SATB2: variants seen among roughly 807,000 people sequenced by gnomAD.
The protein encoded by SATB2 is DNA-binding protein SATB2.
Under a neutral mutation model 73.4 loss-of-function variants are expected in SATB2, and 1 was observed. The ratio of observed to expected loss-of-function variants is 0.01; its 90% CI spans 0.00 to 0.06. The LOEUF is 0.06. SATB2 is among the 10% of genes least tolerant of loss of function. The pLI is 1.00. For synonymous variants in SATB2, 397 were observed against 367.0 expected (o/e 1.08, Z -0.93); for missense variants, 459 against 945.8 (o/e 0.49, Z 6.75).
chr2:199,277,526 T>C (rs1241560436), intron 10 of SATB2, among the ~76,000 whole-genome samples: 1 of 152,202 alleles, frequency 6.6e-6, no homozygotes, highest in African/African-American at 2.4e-5. Flanking sequence ...TTTCTTTTTT[T>C]GGTTTGGATT....
intron 1 of SATB2, 35 bp from the exon 2 acceptor site, chr2:199,456,131 G>GA (rs35506189): frequency 9.8e-7 from 1 of 1,024,260 alleles, no homozygotes; most frequent in South Asian, 1.4e-5. Context: ...GGGGGAGGGA[G>GA]AAAAAAGAGG....
At chr2:199,458,708 G>T (rs984691609), upstream of SATB2, 2 of 441,826 alleles carry the variant, frequency 4.5e-6, no homozygotes, top group African/African-American at 4.2e-5. Flanking sequence ...TGTTAACTGC[G>T]CGGAGTACTT....
intron 5 of SATB2, 82 bp from the exon 6 acceptor site, chr2:199,368,789 C>T: frequency 2.7e-6 from 2 of 751,044 alleles, no homozygotes; most frequent in South Asian, 1.6e-5. Flanking sequence ...ATAACCTGCA[C>T]TAACCTCTTT....
At position 199,377,866 on chromosome 2, in the gene SATB2, C is replaced by T. The variant is rs182888202; in HGVS notation, c.597+2498G>A. ...GGAGAAGTGATGGAACCCATAGGAT[C>T]AAACAGAAGGGTGAGGGAGAAGAAA... On this transcript the variant is annotated intron_variant, in intron 5 of 10. Coordinates refer to ENST00000417098, the MANE Select transcript of SATB2 (RefSeq NM_001172509.2). Among the ~76,000 whole-genome samples the T allele has an allele frequency of 2.0e-5, 3 of 152,082 alleles. No individual in the cohort carries two copies. The East Asian group carries it at 5.8e-4, about 30-fold the overall frequency.
At chr2:199,403,191 T>G (rs1317023874) in intron 3 of SATB2, among the ~76,000 whole-genome samples, 1 of 152,152 alleles carries the variant, frequency 6.6e-6, no homozygotes, top group African/African-American at 2.4e-5. Context: ...AAACAACCTG[T>G]GTAAAACCAA....
chr2:199,363,660 C>T (rs7571383), intron 6 of SATB2, among the ~76,000 whole-genome samples: 21,295 of 152,012 alleles, frequency 0.14, 1,848 homozygotes, highest in East Asian at 0.47. Flanking sequence ...CAAAAAATGT[C>T]AAATATTTGA....
rs138776821 is a variant in SATB2, at chr2:199,285,657, G to A, written c.1741-12985C>T. On this transcript the variant is annotated intron_variant, in intron 10 of 10. Coordinates refer to ENST00000417098, the MANE Select transcript of SATB2 (RefSeq NM_001172509.2). ...GTTAGATTACATTTTGACTCCAGGCGGATTTAATATAAGTTGGTTCTCTTT... is the reference window on the plus strand; with the variant it reads ...GTTAGATTACATTTTGACTCCAGGCAGATTTAATATAAGTTGGTTCTCTTT... 3.3e-3 allele frequency among the ~76,000 whole-genome samples: 499 copies of A among 151,544 alleles called. 4 individuals are homozygous for A. Among genetic ancestry groups the A allele is most frequent in the African/African-American group, 0.011 (469 of 41,324 alleles).
At chr2:199,352,162 C>A (rs1002052142) in intron 6 of SATB2, among the ~76,000 whole-genome samples, 14 of 152,226 alleles carry the variant, frequency 9.2e-5, no homozygotes, top group African/African-American at 3.4e-4. Context: ...GCGTGAGCCA[C>A]TGTACCTGGC....
Position 199,323,508 on chromosome 2 carries a change from C to T in SATB2, c.1542+295G>A, listed in dbSNP as rs2011269. Among the ~76,000 whole-genome samples the T allele has an allele frequency of 0.18, 26,002 of 144,170 alleles. 2,856 individuals carry two copies. Among genetic ancestry groups the T allele is most frequent in the Non-Finnish European group, 0.24 (16,012 of 66,286 alleles). The allele number at this position is 144,170 out of a possible 152,430, so 94.6% of individuals were successfully genotyped here. A position where few individuals can be genotyped will look rare whatever the true frequency, so the allele number is the denominator to read the frequency against. On this transcript the variant is annotated intron_variant, in intron 9 of 10. Transcript: ENST00000417098. ...ACACACACACACACACACACACACACATATATAAAGGGAGAGAAACAAAAG... is the reference window on the plus strand; with the variant it reads ...ACACACACACACACACACACACACATATATATAAAGGGAGAGAAACAAAAG...
chr2:199,401,657 A>G (rs1690482449), intron 3 of SATB2, among the ~76,000 whole-genome samples: 2 of 152,194 alleles, frequency 1.3e-5, no homozygotes, highest in Admixed American at 6.5e-5. Flanking sequence ...TGCCTTGCTA[A>G]GAGTGGTAAA....
At chr2:199,412,238 A>G (rs938209863) in intron 3 of SATB2, among the ~76,000 whole-genome samples, 1 of 152,184 alleles carries the variant, frequency 6.6e-6, no homozygotes, top group African/African-American at 2.4e-5. Flanking sequence ...GAGGATATAA[A>G]ATATGGTGGT....
chr2:199,371,770 C>A (rs1223733550), intron 5 of SATB2, among the ~76,000 whole-genome samples: 5 of 152,112 alleles, frequency 3.3e-5, no homozygotes, highest in African/African-American at 1.2e-4. Flanking sequence ...CTTTTTCAAT[C>A]CAGAATGCAA....
chr2:199,282,411 T>G (rs900546167), intron 10 of SATB2, among the ~76,000 whole-genome samples: 10 of 152,198 alleles, frequency 6.6e-5, no homozygotes, highest in Non-Finnish European at 1.2e-4. Flanking sequence ...TGGCATTGTA[T>G]ACACGTGGTA....
rs779346411 is a variant in SATB2, at chr2:199,328,753, T to C, written c.1331A>G (p.Asn444Ser). The change falls in exon 8 of 11, where the codon AAT becomes AGT. Residue 444 changes from asparagine to serine, a missense_variant. Coordinates refer to ENST00000417098, the MANE Select transcript of SATB2 (RefSeq NM_001172509.2). ...QDERERSMNP[N>S]VSMVSSASSS... ...GGAGGCCGAGGAGACCATGCTCACA[T>C]TGGGATTCATGCTCCGCTCCCTCTC... 11 of 1,613,722 alleles carry C rather than the reference T, an allele frequency of 6.8e-6. No individual in the cohort carries two copies. The highest frequency in any genetic ancestry group is 1.7e-5 in the Admixed American group (1 of 59,968).
At chr2:199,298,903 A>C (rs1687199132) in intron 10 of SATB2, among the ~76,000 whole-genome samples, 1 of 152,212 alleles carries the variant, frequency 6.6e-6, no homozygotes, top group African/African-American at 2.4e-5. Flanking sequence ...ATTGAAACAG[A>C]AAATGTGAAG....
In SATB2 at chr2:199,349,150, G is replaced by C; in HGVS notation, c.724C>G (p.Leu242Val). 6.2e-7 allele frequency: 1 copy of C among 1,613,344 alleles called. No individual in the cohort carries two copies. The highest frequency in any genetic ancestry group is 8.5e-7 in the Non-Finnish European group (1 of 1,179,654). The stretch of plus-strand genomic sequence containing the variant: ...TGGCCCAGAACACAATAGTCTGAAA[G>C]GTTTTCTCGTTCCACTCTTTCCACT... ...IKVERVEREN[L>V]SDYCVLGQRP... is the part of the protein sequence containing the mutation. The change falls in exon 7 of 11, where the codon CTT (leucine) becomes GTT (valine). Residue 242 changes from leucine to valine, a missense_variant. Physicochemically the swap from Leu to Val is conservative, Grantham distance 32. Around this residue, in one of 13 missense-constraint regions of SATB2, gnomAD observed 77 missense variants for 90.4 expected, o/e 0.85. Coordinates refer to ENST00000417098, the MANE Select transcript of SATB2 (RefSeq NM_001172509.2).
intron 6 of SATB2, among the ~76,000 whole-genome samples, chr2:199,359,571 A>G (rs1470310672): frequency 1.6e-4 from 24 of 152,278 alleles, no homozygotes; most frequent in Non-Finnish European, 1.5e-5. Flanking sequence ...TAAAAATAAA[A>G]CTGTTCTAAA....
chr2:199,417,034 T>A (rs897115732), intron 3 of SATB2, among the ~76,000 whole-genome samples: 8 of 70,926 alleles, frequency 1.1e-4, no homozygotes, highest in African/African-American at 3.8e-4. Flanking sequence ...AGACTCCGTC[T>A]CTCACACACA....
chr2:199,390,535 C>A (rs1033640381), intron 3 of SATB2, among the ~76,000 whole-genome samples: 2 of 152,154 alleles, frequency 1.3e-5, no homozygotes, highest in African/African-American at 4.8e-5. Flanking sequence ...TTCCCCCTAG[C>A]ATTTGTCCCC....
Sources: gnomAD v4.1 joint callset for allele counts (sites outside exome capture counted in the v4.1 genomes callset) on GRCh38, gnomAD v4.1.1 for gene constraint, gnomAD v4.1.1 regional missense constraint, MANE v1.5 for transcripts, NCBI Gene and HGNC (gene_info 2026-07-23, HGNC 2026-07-21) for gene names.